TRPC3: variants seen among roughly 807,000 people sequenced by gnomAD.
The protein encoded by TRPC3 is transient receptor potential cation channel subfamily C member 3, also known as short transient receptor potential channel 3.
A neutral mutation model predicts 90.9 loss-of-function variants in TRPC3; 54 were observed. The ratio of observed to expected loss-of-function variants is 0.59; its 90% CI spans 0.48 to 0.75. TRPC3 has a LOEUF of 0.75. TRPC3 is among the 30% of genes least tolerant of loss of function. The probability of loss-of-function intolerance (pLI) is 0.00; values close to 1 mark genes in which losing one functional copy is unlikely to be tolerated. For missense variants in TRPC3, 918 were observed against 1,194.5 expected (o/e 0.77, Z 3.41); for synonymous variants, 424 against 450.9 (o/e 0.94, Z 0.75).
chr4:121,925,461 T>C lies in TRPC3; in HGVS notation c.988-255A>G, dbSNP rs1165362538. On this transcript the variant is annotated intron_variant, in intron 2 of 11. Transcript: ENST00000379645. ...TGGCATGATTATAATCTCACTTATA[T>C]GTGGAATCTAAAAAAGTCATACTCA... Among the ~76,000 whole-genome samples, 4 of 151,636 alleles carry C rather than the reference T, an allele frequency of 2.6e-5. No homozygotes were observed. The East Asian group carries it at 7.7e-4, about 29-fold the overall frequency.
chr4:121,892,995 C>T (rs1263447775), intron 10 of TRPC3, among the ~76,000 whole-genome samples: 1 of 151,804 alleles, frequency 6.6e-6, no homozygotes, highest in East Asian at 1.9e-4. Context: ...GTGGCAGGCA[C>T]CAGTAGTCCC....
intron 10 of TRPC3, among the ~76,000 whole-genome samples, chr4:121,893,342 GA>G (rs1728399532): frequency 2.0e-5 from 3 of 152,044 alleles, no homozygotes; most frequent in African/African-American, 7.2e-5. Flanking sequence ...GGAACAGAAT[GA>G]AAAGCCTAGA....
At chr4:121,900,029 A>G (rs1269266431) in intron 9 of TRPC3, among the ~76,000 whole-genome samples, 1 of 152,194 alleles carries the variant, frequency 6.6e-6, no homozygotes, top group Non-Finnish European at 1.5e-5. Context: ...CTAGAAGGCC[A>G]AATTCCATAG....
intron 1 of TRPC3, among the ~76,000 whole-genome samples, chr4:121,936,521 G>A (rs1220356277): frequency 6.6e-6 from 1 of 152,184 alleles, no homozygotes; most frequent in African/African-American, 2.4e-5. Context: ...AATACAGATA[G>A]CTGGTAATAT....
intron 10 of TRPC3, among the ~76,000 whole-genome samples, chr4:121,886,736 C>A (rs939293230): frequency 3.9e-5 from 6 of 152,032 alleles, no homozygotes; most frequent in East Asian, 3.9e-4. Context: ...GAGGGACCTG[C>A]AAACCTATTG....
At position 121,876,605 on chromosome 4, in the gene TRPC3, T is replaced by A. The variant is rs568200597; in HGVS notation, c.*3131A>T. 1.3e-5 allele frequency among the ~76,000 whole-genome samples: 2 copies of A among 152,368 alleles called. No homozygotes were observed. Among genetic ancestry groups the A allele is most frequent in the South Asian group, 2.1e-4 (1 of 4,822 alleles). ...AAATATATTGACATATTGGGTAAGATAGTTATCCTAAATTGTACCAAATTT... is the reference window on the plus strand; with the variant it reads ...AAATATATTGACATATTGGGTAAGAAAGTTATCCTAAATTGTACCAAATTT... On this transcript the variant is annotated 3_prime_UTR_variant, in exon 12 of 12. Transcript: ENST00000379645.
rs993256497 is a variant in TRPC3, at chr4:121,909,632, C to G, written c.1792+522G>C. ...CCCATTCCATGCCATGTGAACAGGACAACATCCTCCCAAAATATTTCTGCT... is the reference window on the plus strand; with the variant it reads ...CCCATTCCATGCCATGTGAACAGGAGAACATCCTCCCAAAATATTTCTGCT... On this transcript the variant is annotated intron_variant, in intron 6 of 11. Transcript: ENST00000379645. Among the ~76,000 whole-genome samples the G allele has an allele frequency of 8.5e-5, 13 of 152,090 alleles. 1 individual carries two copies. Among genetic ancestry groups the G allele is most frequent in the Admixed American group, 6.6e-5 (1 of 15,260 alleles).
rs114185873 is a variant in TRPC3, at chr4:121,951,746, A to G, written c.-66T>C. ...GCCTCCTCCGCCTTCGCGGCAGTGC[A>G]GTCTTCCCGCGGCGCCCCTTCACCA... On this transcript the variant is annotated 5_prime_UTR_variant, in exon 1 of 12. Coordinates refer to ENST00000379645, the MANE Select transcript of TRPC3 (RefSeq NM_001130698.2). This position sits in a 1 kb window ranked among gnomAD's most constrained non-coding sequence, Gnocchi z 4.4. 0.02 allele frequency: 24,525 copies of G among 1,239,366 alleles called. 381 individuals are homozygous for G. Among genetic ancestry groups the G allele is most frequent in the African/African-American group, 0.072 (4,570 of 63,696 alleles). The allele number at this position is 1,239,366 out of a possible 1,614,324, so 76.8% of individuals were successfully genotyped here.
chr4:121,910,451 G>GTGTCCA lies in TRPC3; in HGVS notation c.1559-70_1559-65dup, dbSNP rs1015419600. 39 of 1,315,250 alleles carry GTGTCCA rather than the reference G, an allele frequency of 3.0e-5. 1 individual carries two copies. The African/African-American group carries it at 4.0e-4, about 14-fold the overall frequency. The allele number at this position is 1,315,250 out of a possible 1,614,324, so 81.5% of individuals were successfully genotyped here. A position where few individuals can be genotyped will look rare whatever the true frequency, so the allele number is the denominator to read the frequency against. ...CAGGCCAGACTGAGAAGCCATTATT[G>GTGTCCA]TGTCCACCATCAGGTCACATCTCTA... On this transcript the variant is annotated intron_variant, in intron 5 of 11. Transcript: ENST00000379645.
At chr4:121,940,596 T>C (rs1730274453) in intron 1 of TRPC3, among the ~76,000 whole-genome samples, 2 of 152,198 alleles carry the variant, frequency 1.3e-5, no homozygotes, top group South Asian at 4.1e-4. Context: ...CCAGTTTACA[T>C]TACACTTCTG....
rs1039925376 is a variant in TRPC3 at position 121,877,529 on chromosome 4, G to T, written c.*2207C>A. On this transcript the variant is annotated 3_prime_UTR_variant, in exon 12 of 12. Transcript: ENST00000379645. ...TTTAGCTGAGGGCAATTCTCCAGGG[G>T]AAGTGATTGGCTAGGAACTGCACAG... Among the ~76,000 whole-genome samples the T allele has an allele frequency of 6.6e-6, 1 of 152,094 alleles. No individual in the cohort carries two copies. The highest frequency in any genetic ancestry group is 2.4e-5 in the African/African-American group (1 of 41,426).
intron 1 of TRPC3, among the ~76,000 whole-genome samples, chr4:121,945,770 TG>T (rs1214228533): frequency 2.6e-5 from 4 of 152,056 alleles, no homozygotes; most frequent in Non-Finnish European, 5.9e-5. Context: ...GCTCTAGACG[TG>T]GGGATACCAG....
At chr4:121,916,509 C>T (rs1250922004) in intron 3 of TRPC3, among the ~76,000 whole-genome samples, 2 of 152,092 alleles carry the variant, frequency 1.3e-5, no homozygotes, top group Non-Finnish European at 2.9e-5. Context: ...GAAAGCTAGG[C>T]TTTTGGGAGG....
In TRPC3 at chr4:121,951,941, G is replaced by A. The variant is rs1730788833; in HGVS notation, c.-261C>T. Among the ~76,000 whole-genome samples the A allele has an allele frequency of 6.6e-6, 1 of 152,020 alleles. No homozygotes were observed. The highest frequency in any genetic ancestry group is 1.5e-5 in the Non-Finnish European group (1 of 68,006). ...GGCCGTGGCTGCGACGAGGAAGCCC[G>A]GGGCCGAGCGGGGCTCTGGTGCTGG... On this transcript the variant is annotated 5_prime_UTR_variant, in exon 1 of 12. Transcript: ENST00000379645. The surrounding 1 kb of genome is among the most constrained non-coding windows in gnomAD (Gnocchi z 4.4).
At chr4:121,881,880 A>G (rs1324450273) in intron 11 of TRPC3, among the ~76,000 whole-genome samples, 1 of 152,096 alleles carries the variant, frequency 6.6e-6, no homozygotes, top group Admixed American at 6.6e-5. Flanking sequence ...GGCAGGGGGG[A>G]AAGTGAAATT....
At chr4:121,948,703 G>A (rs1370747905) in intron 1 of TRPC3, among the ~76,000 whole-genome samples, 1 of 152,060 alleles carries the variant, frequency 6.6e-6, no homozygotes, top group African/African-American at 2.4e-5. Context: ...GGAAAGAGAG[G>A]GCTTGAATTA....
At chr4:121,946,497 G>A (rs1223819811) in intron 1 of TRPC3, among the ~76,000 whole-genome samples, 1 of 152,098 alleles carries the variant, frequency 6.6e-6, no homozygotes, top group Non-Finnish European at 1.5e-5. Flanking sequence ...TTGACTTAGC[G>A]GTGAACAATG....
At chr4:121,950,227 G>A (rs1578665692) in intron 1 of TRPC3, among the ~76,000 whole-genome samples, 1 of 152,196 alleles carries the variant, frequency 6.6e-6, no homozygotes, top group Admixed American at 6.5e-5. Flanking sequence ...TTGTGTTCCT[G>A]TGTTCTACCG....
Position 121,932,182 on chromosome 4 carries a change from T to C in TRPC3, c.987+89A>G. 1.3e-6 allele frequency: 2 copies of C among 1,544,024 alleles called. No homozygotes were observed. The highest frequency in any genetic ancestry group is 1.9e-5 in the Admixed American group (1 of 52,650). The stretch of plus-strand genomic sequence containing the variant: ...TTCACATTCACTGGGCAAAACCGAA[T>C]GTGGAGCGAACGGTGGCAGAGCAGG... On this transcript the variant is annotated intron_variant, in intron 2 of 11. Coordinates refer to ENST00000379645, the MANE Select transcript of TRPC3 (RefSeq NM_001130698.2). This position sits in a 1 kb window ranked among gnomAD's most constrained non-coding sequence, Gnocchi z 7.7.
Sources: gnomAD v4.1 joint callset for allele counts (sites outside exome capture counted in the v4.1 genomes callset) on GRCh38, gnomAD v4.1.1 for gene constraint, Gnocchi (gnomAD v3.1) non-coding constraint, MANE v1.5 for transcripts, NCBI Gene and HGNC (gene_info 2026-07-23, HGNC 2026-07-21) for gene names.